TMEM131: variants seen among roughly 807,000 people sequenced by gnomAD.
TMEM131 encodes 2610524E03Rik.
TMEM131 carries 66 observed loss-of-function variants against 211.6 expected under a neutral mutation model. That is an observed-to-expected ratio of 0.31 (90% CI 0.26 to 0.38). The LOEUF (loss-of-function observed/expected upper bound fraction) is 0.38. Ranked by LOEUF, TMEM131 falls within the 10% of genes least tolerant of loss-of-function variation. The pLI is 1.00. For synonymous variants in TMEM131, 844 were observed against 841.3 expected, an observed-to-expected ratio of 1.00 and a Z score of -0.06; for missense variants, 2,036 against 2,299.3, an observed-to-expected ratio of 0.89 and a Z score of 2.34.
intron 3 of TMEM131, among the ~76,000 whole-genome samples, chr2:97,890,359 G>A (rs899279902): frequency 1.3e-5 from 2 of 152,188 alleles, no homozygotes; most frequent in African/African-American, 4.8e-5. Context: ...GGAGAGTAGC[G>A]AGCAGTGGCT....
Position 97,811,132 on chromosome 2 carries a change from T to C in TMEM131, c.1964A>G (p.Tyr655Cys), listed in dbSNP as rs774902890. 2.5e-6 allele frequency: 4 copies of C among 1,612,252 alleles called. No individual in the cohort carries two copies. The highest frequency in any genetic ancestry group is 2.2e-5 in the East Asian group (1 of 44,870). The change falls in exon 18 of 41, where the codon TAT becomes TGT. Residue 655 changes from tyrosine to cysteine, a missense_variant. Physicochemically the swap from Tyr to Cys is radical, Grantham distance 194 (BLOSUM62 -2). Around this residue, in one of 3 missense-constraint regions of TMEM131, gnomAD observed 1,623 missense variants for 1,805.9 expected, o/e 0.90. Transcript: ENST00000186436. ...HDGAIQITTD[Y>C]EILTIPVKAV... is the part of the protein sequence containing the mutation. ...GAATCCCCATAAAGTCCTTACCTCATAGTCTGTTGTGATCTGGATGGCTCC... is the reference window on the plus strand; with the variant it reads ...GAATCCCCATAAAGTCCTTACCTCACAGTCTGTTGTGATCTGGATGGCTCC...
intron 35 of TMEM131, 97 bp downstream of exon 35, chr2:97,766,017 G>A: frequency 6.8e-7 from 1 of 1,474,688 alleles, no homozygotes; most frequent in Non-Finnish European, 9.2e-7. Context: ...CTGTCAATGG[G>A]TATTTTAAAG....
Position 97,940,808 on chromosome 2 carries a change from C to CAA in TMEM131, c.188-13323_188-13322dup, listed in dbSNP as rs1261852020. ...TGGGCGACAGAGCCAGACTCCATCT[C>CAA]AAAAAAAAAAAAAAAAGACAAAAAC... On this transcript the variant is annotated intron_variant, in intron 1 of 40. Coordinates refer to ENST00000186436, the MANE Select transcript of TMEM131 (RefSeq NM_015348.2). Among the ~76,000 whole-genome samples, 11 of 86,142 alleles carry CAA rather than the reference C, an allele frequency of 1.3e-4. No homozygotes were observed. In the East Asian group the frequency reaches 1.7e-3, roughly 13 times the overall value. 56.5% of individuals were successfully genotyped at this position (86,142 alleles called of 152,430 possible).
intron 3 of TMEM131, among the ~76,000 whole-genome samples, chr2:97,892,537 A>T (rs928500855): frequency 3.3e-5 from 5 of 152,002 alleles, no homozygotes; most frequent in African/African-American, 1.2e-4. Flanking sequence ...ATTTATTATT[A>T]TTTTTTGTAG....
chr2:97,775,990 C>T lies in TMEM131; in HGVS notation c.4173G>A (p.Val1391=). 6.2e-7 allele frequency: 1 copy of T among 1,613,860 alleles called. No homozygotes were observed. Among genetic ancestry groups the T allele is most frequent in the Non-Finnish European group, 8.5e-7 (1 of 1,179,854 alleles). ...KGKGKPLQRK[V]KPPKKQEEKE... ...TTTCCTCTTGCTTCTTAGGTGGTTT[C>T]ACCTTGCGCTGAAGAGGTTTTCCTT... Residue 1391 remains valine (V), a synonymous_variant, in exon 32 of 41, where the codon GTG becomes GTA. Transcript: ENST00000186436.
At chr2:97,947,877 C>T (rs1380008264) in intron 1 of TMEM131, among the ~76,000 whole-genome samples, 4 of 151,936 alleles carry the variant, frequency 2.6e-5, no homozygotes, top group Non-Finnish European at 5.9e-5. Context: ...AAAAGTAGAC[C>T]CCCACATATA....
intron 2 of TMEM131, among the ~76,000 whole-genome samples, chr2:97,918,570 C>G (rs115165595): frequency 0.011 from 1,712 of 151,766 alleles, 35 homozygotes; most frequent in African/African-American, 0.039. Flanking sequence ...GTAGGAAATC[C>G]CACAGACAAA....
chr2:97,795,682 T>C (rs1391753351), intron 28 of TMEM131, among the ~76,000 whole-genome samples: 4 of 152,192 alleles, frequency 2.6e-5, no homozygotes, highest in Non-Finnish European at 5.9e-5. Context: ...ATCACTAAAT[T>C]AAATATTCAA....
intron 1 of TMEM131, among the ~76,000 whole-genome samples, chr2:97,979,263 A>G (rs1679681917): frequency 2.6e-5 from 4 of 152,194 alleles, no homozygotes; most frequent in Non-Finnish European, 4.4e-5. Context: ...TTTCAGCATG[A>G]CAGATGAGCA....
At position 97,775,793 on chromosome 2, in the gene TMEM131, G is replaced by A. The variant is rs73959809; in HGVS notation, c.4320+50C>T. 1.7e-5 allele frequency: 27 copies of A among 1,568,416 alleles called. No homozygotes were observed. In the African/African-American group the frequency reaches 3.6e-4, roughly 21 times the overall value. ...GAGATGGAAGGTCTTGTGAGCTGCAGGAGACCTCTCTTTCTCCCTCGTGTT... is the reference window on the plus strand; with the variant it reads ...GAGATGGAAGGTCTTGTGAGCTGCAAGAGACCTCTCTTTCTCCCTCGTGTT... On this transcript the variant is annotated intron_variant, in intron 32 of 40. Transcript: ENST00000186436.
At chr2:97,949,839 A>AAAT (rs34651111) in intron 1 of TMEM131, among the ~76,000 whole-genome samples, 6 of 149,866 alleles carry the variant, frequency 4.0e-5, no homozygotes, top group African/African-American at 1.5e-4. Flanking sequence ...AAAAAAAAAA[A>AAAT]GTCAGTATTT....
intron 4 of TMEM131, 109 bp downstream of exon 4, chr2:97,887,943 C>A: frequency 1.2e-6 from 1 of 816,094 alleles, no homozygotes; most frequent in Non-Finnish European, 2.0e-6. Context: ...ATGACTAGAA[C>A]ATGTAACTTT....
intron 1 of TMEM131, among the ~76,000 whole-genome samples, chr2:97,949,713 G>A (rs546502165): frequency 2.3e-4 from 35 of 150,938 alleles, no homozygotes; most frequent in African/African-American, 7.6e-4. Flanking sequence ...CCAGCTACTC[G>A]GGAGGGTGAG....
chr2:97,813,032 T>C (rs1681628889), intron 15 of TMEM131, among the ~76,000 whole-genome samples: 1 of 152,216 alleles, frequency 6.6e-6, no homozygotes, highest in African/African-American at 2.4e-5. Flanking sequence ...CCTATGCTTT[T>C]GTATATATGC....
intron 2 of TMEM131, among the ~76,000 whole-genome samples, chr2:97,926,269 G>C (rs772932795): frequency 3.3e-5 from 5 of 152,136 alleles, no homozygotes; most frequent in Non-Finnish European, 7.4e-5. Flanking sequence ...ATTTAAATTA[G>C]AGAAAGGATA....
At chr2:97,977,210 T>C (rs1312916745) in intron 1 of TMEM131, among the ~76,000 whole-genome samples, 1 of 152,208 alleles carries the variant, frequency 6.6e-6, no homozygotes, top group Non-Finnish European at 1.5e-5. Flanking sequence ...CAAAAGACTG[T>C]TATGAGAATA....
chr2:97,906,384 G>T (rs1057462573), intron 3 of TMEM131, among the ~76,000 whole-genome samples: 1 of 152,190 alleles, frequency 6.6e-6, no homozygotes, highest in African/African-American at 2.4e-5. Flanking sequence ...AATGTAAAAT[G>T]TGACAGTTGT....
chr2:97,897,128 G>C (rs561055092), intron 3 of TMEM131, among the ~76,000 whole-genome samples: 1 of 152,054 alleles, frequency 6.6e-6, no homozygotes, highest in South Asian at 2.1e-4. Context: ...TTTTGTATTT[G>C]TTATGAAGAA....
intron 1 of TMEM131, among the ~76,000 whole-genome samples, chr2:97,987,947 G>C (rs1242123459): frequency 6.6e-6 from 1 of 152,138 alleles, no homozygotes; most frequent in Non-Finnish European, 1.5e-5. Flanking sequence ...AAGGCAAGTA[G>C]AAAAGTGCAT....
Sources: gnomAD v4.1 joint callset for allele counts (sites outside exome capture counted in the v4.1 genomes callset) on GRCh38, gnomAD v4.1.1 for gene constraint, gnomAD v4.1.1 regional missense constraint, MANE v1.5 for transcripts, NCBI Gene and HGNC (gene_info 2026-07-23, HGNC 2026-07-21) for gene names.